PLCXD3: variants seen among roughly 807,000 people sequenced by gnomAD.
PLCXD3 encodes the protein PI-PLC X domain-containing protein 3.
Under a neutral mutation model 25.5 loss-of-function variants are expected in PLCXD3, and 19 were observed. The ratio of observed to expected loss-of-function variants is 0.75; its 90% CI spans 0.52 to 1.09. PLCXD3 has a LOEUF of 1.09. Among genes scored for constraint, PLCXD3 ranks in the 50% least tolerant of loss-of-function variants. The pLI is 0.00. For missense variants in PLCXD3, 411 were observed against 388.1 expected (o/e 1.06, Z -0.50); for synonymous variants, 174 against 137.6 (o/e 1.26, Z -1.85).
At chr5:41,490,398 T>G (rs1231994552) in intron 1 of PLCXD3, among the ~76,000 whole-genome samples, 1 of 150,520 alleles carries the variant, frequency 6.6e-6, no homozygotes, top group Non-Finnish European at 1.5e-5. Context: ...AAAATTCTCT[T>G]TTTTGGTTGT....
intron 1 of PLCXD3, among the ~76,000 whole-genome samples, chr5:41,455,330 T>C (rs1747728741): frequency 6.6e-6 from 1 of 151,986 alleles, no homozygotes; most frequent in South Asian, 2.1e-4. Context: ...CTTTCATTTA[T>C]TTATTCTTCC....
intron 1 of PLCXD3, among the ~76,000 whole-genome samples, chr5:41,452,133 CCTT>C (rs559931354): frequency 3.4e-4 from 52 of 152,114 alleles, no homozygotes; most frequent in African/African-American, 1.2e-3. Flanking sequence ...CAAATTTGCT[CCTT>C]CTTTGCTATC....
chr5:41,314,829 G>A (rs1012362461), intron 2 of PLCXD3, among the ~76,000 whole-genome samples: 4 of 152,184 alleles, frequency 2.6e-5, no homozygotes, highest in Non-Finnish European at 5.9e-5. Context: ...ATTATCTTGA[G>A]CAGAGGAGTG....
intron 1 of PLCXD3, 110 bp downstream of exon 1, chr5:41,510,314 G>T: frequency 1.0e-6 from 1 of 982,764 alleles, no homozygotes; most frequent in Non-Finnish European, 1.5e-6. Flanking sequence ...TGGAAGACGA[G>T]TTTCCCTCCC....
chr5:41,441,928 G>A (rs892571009), intron 1 of PLCXD3, among the ~76,000 whole-genome samples: 4 of 152,152 alleles, frequency 2.6e-5, no homozygotes, highest in African/African-American at 7.2e-5. Flanking sequence ...TTTAAGTTTT[G>A]TAGAGGTCTC....
At position 41,309,549 on chromosome 5, in the gene PLCXD3, G is replaced by A. The variant is rs753271057; in HGVS notation, c.*4068C>T. 5.3e-5 allele frequency: 8 copies of A among 152,364 alleles called. No homozygotes were observed. In the South Asian group the frequency reaches 6.2e-4, roughly 12 times the overall value. The allele number at this position is 152,364 out of a possible 1,614,324, so 9.4% of individuals were successfully genotyped here. A position where few individuals can be genotyped will look rare whatever the true frequency, so the allele number is the denominator to read the frequency against. On this transcript the variant is annotated 3_prime_UTR_variant, in exon 3 of 3. Coordinates refer to ENST00000377801, the MANE Select transcript of PLCXD3 (RefSeq NM_001005473.3). Reference sequence around the variant, plus strand: ...TGACCAAAGATTAAAAGATTGTGTCGTTGGATCTGTAAAACTGTGAAACTA... The same window carrying A: ...TGACCAAAGATTAAAAGATTGTGTCATTGGATCTGTAAAACTGTGAAACTA...
chr5:41,446,197 A>AAAAAAAAAAAAAAAAAAAC (rs1747497680), intron 1 of PLCXD3, among the ~76,000 whole-genome samples: 3 of 149,394 alleles, frequency 2.0e-5, no homozygotes, highest in Non-Finnish European at 4.5e-5. Flanking sequence ...AAAAAAAAAA[A>AAAAAAAAAAAAAAAAAAAC]AAAAGAACAA....
chr5:41,410,141 C>T (rs202184792), intron 1 of PLCXD3, among the ~76,000 whole-genome samples: 2 of 121,398 alleles, frequency 1.6e-5, no homozygotes, highest in African/African-American at 3.1e-5. Context: ...TTTTATTTAT[C>T]TTTTTTTTTT....
intron 1 of PLCXD3, among the ~76,000 whole-genome samples, chr5:41,427,862 C>T (rs1195070413): frequency 6.6e-6 from 1 of 152,124 alleles, no homozygotes; most frequent in Non-Finnish European, 1.5e-5. Flanking sequence ...TAAATTTGAG[C>T]CCCAACACCA....
intron 1 of PLCXD3, among the ~76,000 whole-genome samples, chr5:41,410,765 A>G (rs866410308): frequency 6.6e-6 from 1 of 152,216 alleles, no homozygotes; most frequent in African/African-American, 2.4e-5. Flanking sequence ...TCAGTGCCAT[A>G]TAGAGGTAAC....
chr5:41,352,699 A>G (rs1744498190), intron 2 of PLCXD3, among the ~76,000 whole-genome samples: 1 of 152,226 alleles, frequency 6.6e-6, no homozygotes, highest in Non-Finnish European at 1.5e-5. Context: ...AAACAAATAC[A>G]CATCTGAAGA....
intron 2 of PLCXD3, among the ~76,000 whole-genome samples, chr5:41,343,686 A>G (rs1364209011): frequency 6.6e-6 from 1 of 152,154 alleles, no homozygotes; most frequent in African/African-American, 2.4e-5. Flanking sequence ...TGAAAATCCA[A>G]TATACTTAAA....
chr5:41,350,496 C>T (rs1227912941), intron 2 of PLCXD3, among the ~76,000 whole-genome samples: 1 of 152,058 alleles, frequency 6.6e-6, no homozygotes, highest in East Asian at 1.9e-4. Flanking sequence ...TCATGGAATT[C>T]TTTCTTCTTA....
Position 41,308,604 on chromosome 5 carries a change from T to C in PLCXD3, c.*5013A>G, listed in dbSNP as rs538621817. ...CCAGAAAAGTGTGTGGGTTGCATGC[T>C]TGTTTTCTCGAGAAGAGAACCATGT... On this transcript the variant is annotated 3_prime_UTR_variant, in exon 3 of 3. Transcript: ENST00000377801. 2.6e-5 allele frequency: 4 copies of C among 152,282 alleles called. No individual in the cohort carries two copies. The South Asian group carries it at 8.3e-4, about 32-fold the overall frequency. The allele number at this position is 152,282 out of a possible 1,614,324, so 9.4% of individuals were successfully genotyped here. A position where few individuals can be genotyped will look rare whatever the true frequency, so the allele number is the denominator to read the frequency against.
At chr5:41,334,740 G>A (rs1245459010) in intron 2 of PLCXD3, among the ~76,000 whole-genome samples, 1 of 152,084 alleles carries the variant, frequency 6.6e-6, no homozygotes, top group Non-Finnish European at 1.5e-5. Context: ...ATTAAAATAA[G>A]TTCATATAAA....
chr5:41,497,202 A>G (rs1211789179), intron 1 of PLCXD3, among the ~76,000 whole-genome samples: 2 of 151,918 alleles, frequency 1.3e-5, no homozygotes, highest in South Asian at 2.1e-4. Flanking sequence ...CAAGACAGCA[A>G]TAGTAAGTCT....
intron 1 of PLCXD3, among the ~76,000 whole-genome samples, chr5:41,509,974 C>T (rs1739000961): frequency 1.3e-5 from 2 of 152,170 alleles, no homozygotes; most frequent in Admixed American, 6.5e-5. Context: ...CTATCAAATC[C>T]GCCCAATTCC....
At chr5:41,414,647 A>T (rs943558326) in intron 1 of PLCXD3, among the ~76,000 whole-genome samples, 2 of 152,352 alleles carry the variant, frequency 1.3e-5, no homozygotes, top group African/African-American at 4.8e-5. Context: ...GCCTTCCGCA[A>T]TTTCAGTTAC....
chr5:41,309,658 C>T lies in PLCXD3; in HGVS notation c.*3959G>A, dbSNP rs890386730. 3 of 152,066 alleles carry T rather than the reference C, an allele frequency of 2.0e-5. No homozygotes were observed. The highest frequency in any genetic ancestry group is 2.9e-5 in the Non-Finnish European group (2 of 68,012). 9.4% of individuals were successfully genotyped at this position (152,066 alleles called of 1,614,324 possible). A position where few individuals can be genotyped will look rare whatever the true frequency, so the allele number is the denominator to read the frequency against. On this transcript the variant is annotated 3_prime_UTR_variant, in exon 3 of 3. Transcript: ENST00000377801. ...ACAAGGAAGAACCTGAACAAATAAC[C>T]CTGGCTAAAAACATGTCAGAACTTC...
Sources: allele counts gnomAD v4.1 joint callset (sites outside exome capture counted in the v4.1 genomes callset), GRCh38; gene constraint gnomAD v4.1.1; transcripts MANE v1.5; gene names NCBI Gene and HGNC (gene_info 2026-07-23, HGNC 2026-07-21).